Variants in MAST4 observed in about 807,000 individuals in gnomAD.
MAST4 encodes microtubule associated serine/threonine kinase family member 4.
Under a neutral mutation model 162.7 loss-of-function variants are expected in MAST4, and 89 were observed. The observed-to-expected ratio is 0.55, with a 90% CI of 0.46 to 0.65. The LOEUF (loss-of-function observed/expected upper bound fraction) is 0.65, where lower values mean the gene tolerates loss of function less well. Ranked by LOEUF, MAST4 falls within the 30% of genes least tolerant of loss-of-function variation. The pLI is 0.00. For synonymous variants in MAST4, 1,479 were observed against 1,361.1 expected (o/e 1.09, Z -1.91); for missense variants, 3,153 against 3,374.0 (o/e 0.93, Z 1.62).
rs71305033 is a variant in MAST4 at position 66,836,006 on chromosome 5, T to TA, written c.642+47219dup. Among the ~76,000 whole-genome samples the TA allele has an allele frequency of 7.6e-3, 1,160 of 151,924 alleles. 8 individuals carry two copies. The highest frequency in any genetic ancestry group is 0.038 in the South Asian group (180 of 4,792). ...GCAACATAGTGAAAACTTGTCTCTA[T>TA]AAAAAAATACAAAAATTAGCCAGAT... is the stretch of plus-strand genomic sequence containing the variant. On this transcript the variant is annotated intron_variant, in intron 3 of 28. Coordinates refer to ENST00000403625, the MANE Select transcript of MAST4 (RefSeq NM_001164664.2).
chr5:67,087,414 C>T (rs1329442929), intron 5 of MAST4, among the ~76,000 whole-genome samples: 1 of 152,218 alleles, frequency 6.6e-6, no homozygotes, highest in African/African-American at 2.4e-5. Flanking sequence ...GCATCTCTCT[C>T]TTGCCTCCAA....
chr5:67,162,904 A>G, intron 28 of MAST4, 116 bp downstream of exon 28: 1 of 1,158,330 alleles, frequency 8.6e-7, no homozygotes, highest in Non-Finnish European at 1.2e-6. Context: ...GGTGTAAATT[A>G]TAAAGACAGA....
At chr5:66,782,115 C>A (rs149541103) in intron 2 of MAST4, among the ~76,000 whole-genome samples, 1 of 151,762 alleles carries the variant, frequency 6.6e-6, no homozygotes, top group South Asian at 2.1e-4. Flanking sequence ...ATGGTGAAAC[C>A]CTGTCTCTAT....
At chr5:66,853,463 C>G (rs1030605569) in intron 3 of MAST4, among the ~76,000 whole-genome samples, 11 of 152,086 alleles carry the variant, frequency 7.2e-5, no homozygotes, top group African/African-American at 2.7e-4. Flanking sequence ...GAGAAAGAAC[C>G]CTCCTGTTTT....
intron 1 of MAST4, among the ~76,000 whole-genome samples, chr5:66,603,915 A>G (rs1352678883): frequency 6.6e-6 from 1 of 152,182 alleles, no homozygotes; most frequent in Non-Finnish European, 1.5e-5. Context: ...TGATGATGTT[A>G]TTTTAGGTTA....
At chr5:66,715,933 C>G (rs1379893240) in intron 1 of MAST4, among the ~76,000 whole-genome samples, 1 of 151,846 alleles carries the variant, frequency 6.6e-6, no homozygotes. Flanking sequence ...TTGCATTCTA[C>G]TAATAGTTTT....
At chr5:66,738,672 C>T (rs1752306533) in intron 1 of MAST4, among the ~76,000 whole-genome samples, 2 of 152,132 alleles carry the variant, frequency 1.3e-5, no homozygotes. Context: ...TTAATGCAGG[C>T]CAGCGTAGGT....
chr5:66,890,004 A>G (rs1367965642), intron 3 of MAST4, among the ~76,000 whole-genome samples: 1 of 152,172 alleles, frequency 6.6e-6, no homozygotes, highest in East Asian at 1.9e-4. Flanking sequence ...TATGAGTTCA[A>G]TTGATCTAAT....
At chr5:66,860,522 T>C (rs1194311900) in intron 3 of MAST4, among the ~76,000 whole-genome samples, 1 of 152,134 alleles carries the variant, frequency 6.6e-6, no homozygotes. Context: ...ATTAAGGAGT[T>C]GAAGACAGAA....
Position 66,648,883 on chromosome 5 carries a change from T to TC in MAST4, c.363+51865_363+51866insC, listed in dbSNP as rs1205034856. Among the ~76,000 whole-genome samples, 3 of 152,206 alleles carry TC rather than the reference T, an allele frequency of 2.0e-5. No individual in the cohort carries two copies. In the East Asian group the frequency reaches 5.8e-4, roughly 29 times the overall value. On this transcript the variant is annotated intron_variant, in intron 1 of 28. Coordinates refer to ENST00000403625, the MANE Select transcript of MAST4 (RefSeq NM_001164664.2). ...ATAGTAAGACTTGATGTTTTATGTT[T>TC]ATGACCATTCGGTATGAATTGGGGC...
intron 4 of MAST4, among the ~76,000 whole-genome samples, chr5:66,988,698 C>T (rs1239560846): frequency 1.3e-5 from 2 of 152,174 alleles, no homozygotes; most frequent in Non-Finnish European, 2.9e-5. Flanking sequence ...TTCTCAAGCA[C>T]TGTACAATAC....
At chr5:67,088,529 G>A (rs918169322) in intron 5 of MAST4, among the ~76,000 whole-genome samples, 4 of 152,160 alleles carry the variant, frequency 2.6e-5, no homozygotes, top group African/African-American at 9.7e-5. Context: ...GATTTTTAAA[G>A]GAATATGAGG....
chr5:66,605,277 G>T (rs1286578211), intron 1 of MAST4, among the ~76,000 whole-genome samples: 1 of 152,098 alleles, frequency 6.6e-6, no homozygotes. Flanking sequence ...GAAAACTCAG[G>T]CCCAGAGAAA....
At chr5:66,639,560 G>C (rs1467833510) in intron 1 of MAST4, among the ~76,000 whole-genome samples, 6 of 151,976 alleles carry the variant, frequency 3.9e-5, no homozygotes, top group Admixed American at 2.0e-4. Context: ...TGGTGTTTTA[G>C]TATATGCCTA....
intron 4 of MAST4, among the ~76,000 whole-genome samples, chr5:67,034,063 A>G (rs573542550): frequency 9.6e-4 from 145 of 151,372 alleles, no homozygotes; most frequent in Non-Finnish European, 1.8e-3. Context: ...CGGTGACTTA[A>G]GTACAAAATG....
intron 3 of MAST4, among the ~76,000 whole-genome samples, chr5:66,813,885 C>T (rs867995113): frequency 1.7e-4 from 26 of 152,312 alleles, no homozygotes; most frequent in Admixed American, 7.2e-4. Context: ...TTGCATGCTG[C>T]ACTCTTACAT....
At chr5:67,148,157 C>A (rs1283972553) in intron 23 of MAST4, among the ~76,000 whole-genome samples, 1 of 152,200 alleles carries the variant, frequency 6.6e-6, no homozygotes, top group Non-Finnish European at 1.5e-5. Flanking sequence ...GCTGGCCGCT[C>A]TTTCAAAGGA....
chr5:67,123,185 C>A (rs951417085), intron 14 of MAST4, among the ~76,000 whole-genome samples: 9 of 152,192 alleles, frequency 5.9e-5, no homozygotes, highest in African/African-American at 1.9e-4. Context: ...CTACCACTCA[C>A]ATCAGTGGCT....
At chr5:66,928,724 T>C (rs1351617359) in intron 4 of MAST4, among the ~76,000 whole-genome samples, 2 of 152,064 alleles carry the variant, frequency 1.3e-5, no homozygotes, top group Admixed American at 6.6e-5. Context: ...GCTGGGGAAA[T>C]AGGGGTTGGT....
Sources: gnomAD v4.1 joint callset for allele counts (sites outside exome capture counted in the v4.1 genomes callset) on GRCh38, gnomAD v4.1.1 for gene constraint, MANE v1.5 for transcripts, NCBI Gene and HGNC (gene_info 2026-07-23, HGNC 2026-07-21) for gene names.